SGCZ: variants seen among roughly 807,000 people sequenced by gnomAD.
SGCZ encodes the protein sarcoglycan zeta, also known as zeta-sarcoglycan.
A neutral mutation model predicts 41.3 loss-of-function variants in SGCZ; 40 were observed. That is an observed-to-expected ratio of 0.97 (90% confidence interval 0.75 to 1.26). The LOEUF (loss-of-function observed/expected upper bound fraction) is 1.26. SGCZ is among the 50% of genes most tolerant of loss of function. SGCZ has a pLI of 0.00. For missense variants in SGCZ, 552 were observed against 369.8 expected, an observed-to-expected ratio of 1.49 and a Z score of -4.04; for synonymous variants, 206 against 137.5, an observed-to-expected ratio of 1.50 and a Z score of -3.49.
chr8:14,970,963 T>C (rs1801275004), intron 1 of SGCZ, among the ~76,000 whole-genome samples: 1 of 152,176 alleles, frequency 6.6e-6, no homozygotes, highest in Non-Finnish European at 1.5e-5. Flanking sequence ...TATTTTTCAT[T>C]CCCCCTAACA....
chr8:15,037,650 G>A (rs752133433), intron 1 of SGCZ, among the ~76,000 whole-genome samples: 17 of 152,232 alleles, frequency 1.1e-4, no homozygotes, highest in Non-Finnish European at 1.8e-4. Flanking sequence ...AAACAAATAA[G>A]AGGCATTCAA....
rs555849547 is a variant in SGCZ at position 15,054,440 on chromosome 8, A to T, written c.39+183145T>A. Among the ~76,000 whole-genome samples, 70 of 152,120 alleles carry T rather than the reference A, an allele frequency of 4.6e-4. No individual in the cohort carries two copies. In the Middle Eastern group the frequency reaches 0.01, roughly 22 times the overall value. ...TCACCCCCACACCACACAGGTAAGTACCCAGAATTACTAACCCCTGGAGTG... is the reference window on the plus strand; with the variant it reads ...TCACCCCCACACCACACAGGTAAGTTCCCAGAATTACTAACCCCTGGAGTG... On this transcript the variant is annotated intron_variant, in intron 1 of 7. Coordinates refer to ENST00000382080, the MANE Select transcript of SGCZ (RefSeq NM_139167.4).
intron 4 of SGCZ, among the ~76,000 whole-genome samples, chr8:14,189,652 T>C (rs1402495779): frequency 5.3e-5 from 8 of 152,208 alleles, no homozygotes; most frequent in Admixed American, 5.2e-4. Context: ...CTGTGTCCTC[T>C]CTAGAGAAAC....
intron 1 of SGCZ, among the ~76,000 whole-genome samples, chr8:14,902,784 T>G (rs1037462470): frequency 6.6e-6 from 1 of 152,158 alleles, no homozygotes; most frequent in African/African-American, 2.4e-5. Flanking sequence ...GGGAGGTCAG[T>G]TACCTTAATC....
chr8:14,149,897 A>G (rs1022840163), intron 5 of SGCZ, among the ~76,000 whole-genome samples: 12 of 152,168 alleles, frequency 7.9e-5, no homozygotes, highest in African/African-American at 2.9e-4. Context: ...CTCATTTTCA[A>G]CAAAGGTGCC....
At chr8:14,619,906 C>A (rs1028375584) in intron 1 of SGCZ, among the ~76,000 whole-genome samples, 8 of 152,110 alleles carry the variant, frequency 5.3e-5, no homozygotes, top group Admixed American at 1.3e-4. Flanking sequence ...ATCAAGCTAC[C>A]AATGCCTTTC....
At chr8:14,251,139 A>C (rs1799269377) in intron 3 of SGCZ, among the ~76,000 whole-genome samples, 1 of 152,128 alleles carries the variant, frequency 6.6e-6, no homozygotes. Flanking sequence ...AAGGCAAGAG[A>C]ATTGCTTGAA....
At chr8:15,227,983 T>C (rs1801830359) in intron 1 of SGCZ, among the ~76,000 whole-genome samples, 1 of 152,224 alleles carries the variant, frequency 6.6e-6, no homozygotes, top group Admixed American at 6.5e-5. Context: ...AACTTTACTA[T>C]GGCTTAAATC....
intron 1 of SGCZ, among the ~76,000 whole-genome samples, chr8:15,023,597 T>C (rs565240337): frequency 6.6e-6 from 1 of 152,340 alleles, no homozygotes; most frequent in Non-Finnish European, 1.5e-5. Context: ...TTAAAACTAT[T>C]CAGAAAGCTT....
At chr8:15,217,946 C>T (rs575114417) in intron 1 of SGCZ, among the ~76,000 whole-genome samples, 6 of 152,024 alleles carry the variant, frequency 3.9e-5, no homozygotes, top group East Asian at 1.9e-4. Flanking sequence ...ATTTGCCAAA[C>T]GGGGTGGCGT....
At chr8:14,401,421 A>G (rs1382868511) in intron 2 of SGCZ, among the ~76,000 whole-genome samples, 18 of 135,288 alleles carry the variant, frequency 1.3e-4, no homozygotes, top group African/African-American at 3.9e-4. Flanking sequence ...ATATCTCCTA[A>G]AGCTATCCCT....
At chr8:14,590,829 A>G (rs925540671) in intron 1 of SGCZ, among the ~76,000 whole-genome samples, 2 of 148,258 alleles carry the variant, frequency 1.3e-5, no homozygotes, top group African/African-American at 4.9e-5. Context: ...ATATATCATG[A>G]ATATGTATTC....
chr8:15,005,392 C>A (rs1802576095), intron 1 of SGCZ, among the ~76,000 whole-genome samples: 2 of 136,014 alleles, frequency 1.5e-5, no homozygotes, highest in African/African-American at 5.6e-5. Flanking sequence ...AGTGCAGTGG[C>A]GTGATCTCGG....
At chr8:14,399,505 C>T (rs1034404238) in intron 2 of SGCZ, among the ~76,000 whole-genome samples, 2 of 151,948 alleles carry the variant, frequency 1.3e-5, no homozygotes, top group Admixed American at 6.6e-5. Flanking sequence ...TTTCTCGCTT[C>T]ACAGATGATT....
In SGCZ at chr8:14,164,567, C is replaced by G. The variant is rs201190658; in HGVS notation, c.547+13G>C. The G allele has an allele frequency of 9.7e-5, 156 of 1,612,700 alleles. No homozygotes were observed. Among genetic ancestry groups the G allele is most frequent in the Middle Eastern group, 1.6e-4 (1 of 6,072 alleles). On this transcript the variant is annotated intron_variant, in intron 5 of 7. Transcript: ENST00000382080. Reference sequence around the variant, plus strand: ...AGAAGTAAACAATTTTTCAAGACCTCCATCTACAGTACCTGTAACTTTCAG... The same window carrying G: ...AGAAGTAAACAATTTTTCAAGACCTGCATCTACAGTACCTGTAACTTTCAG...
At chr8:14,196,180 T>C (rs1210951556) in intron 4 of SGCZ, among the ~76,000 whole-genome samples, 2 of 152,066 alleles carry the variant, frequency 1.3e-5, no homozygotes, top group African/African-American at 2.4e-5. Flanking sequence ...TAGATTTATA[T>C]TATGAACATT....
intron 2 of SGCZ, among the ~76,000 whole-genome samples, chr8:14,397,773 C>T (rs1327041462): frequency 6.6e-6 from 1 of 152,140 alleles, no homozygotes; most frequent in African/African-American, 2.4e-5. Flanking sequence ...CCTTCATCAT[C>T]TGTCACCAGC....
At chr8:14,955,772 C>A (rs970359875) in intron 1 of SGCZ, among the ~76,000 whole-genome samples, 2 of 151,964 alleles carry the variant, frequency 1.3e-5, no homozygotes, top group African/African-American at 2.4e-5. Context: ...CCAAATATCA[C>A]TTTTGAATCA....
At chr8:14,774,975 T>C (rs1800356457) in intron 1 of SGCZ, among the ~76,000 whole-genome samples, 1 of 152,118 alleles carries the variant, frequency 6.6e-6, no homozygotes, top group African/African-American at 2.4e-5. Flanking sequence ...TGACTTTGAC[T>C]GAAACACCAC....
Sources: allele counts gnomAD v4.1 joint callset (sites outside exome capture counted in the v4.1 genomes callset), GRCh38; gene constraint gnomAD v4.1.1; transcripts MANE v1.5; gene names NCBI Gene and HGNC (gene_info 2026-07-23, HGNC 2026-07-21).